Variants in L3MBTL3 observed in about 807,000 individuals in gnomAD.
L3MBTL3 encodes the protein L3MBTL histone methyl-lysine binding protein 3, also known as lethal(3)malignant brain tumor-like protein 3.
A neutral mutation model predicts 102.3 loss-of-function variants in L3MBTL3; 27 were observed. That is an observed-to-expected ratio of 0.26 (90% CI 0.19 to 0.36). L3MBTL3 has a LOEUF of 0.36. Ranked by LOEUF, L3MBTL3 falls within the 10% of genes least tolerant of loss-of-function variation. The probability of loss-of-function intolerance (pLI) is 1.00; values close to 1 mark genes in which losing one functional copy is unlikely to be tolerated. For synonymous variants in L3MBTL3, 340 were observed against 320.9 expected (o/e 1.06, Z -0.64); for missense variants, 798 against 955.3 (o/e 0.84, Z 2.17).
intron 9 of L3MBTL3, among the ~76,000 whole-genome samples, chr6:130,059,087 G>A (rs1781721894): frequency 6.6e-6 from 1 of 151,960 alleles, no homozygotes; most frequent in Non-Finnish European, 1.5e-5. Flanking sequence ...TAAAAAAAAA[G>A]TTTAAATGTA....
At chr6:130,032,388 G>A (rs1779786094) in intron 2 of L3MBTL3, among the ~76,000 whole-genome samples, 1 of 152,198 alleles carries the variant, frequency 6.6e-6, no homozygotes, top group East Asian at 1.9e-4. Flanking sequence ...GGTTGAGGCT[G>A]TAGTGAGCTA....
intron 18 of L3MBTL3, among the ~76,000 whole-genome samples, chr6:130,100,104 G>A (rs1178079826): frequency 6.6e-6 from 1 of 152,208 alleles, no homozygotes; most frequent in African/African-American, 2.4e-5. Context: ...ACTGATTGAA[G>A]ACACTAAACA....
chr6:130,085,016 GAA>G (rs1401056814), intron 15 of L3MBTL3, among the ~76,000 whole-genome samples: 2 of 152,192 alleles, frequency 1.3e-5, no homozygotes, highest in African/African-American at 4.8e-5. Flanking sequence ...TTTTTGTAGA[GAA>G]GAGGTTTTGC....
chr6:130,037,562 C>G (rs933388607), intron 2 of L3MBTL3, among the ~76,000 whole-genome samples: 3 of 152,046 alleles, frequency 2.0e-5, no homozygotes, highest in African/African-American at 7.2e-5. Context: ...TAGATTAATT[C>G]TTTCTCAGCT....
chr6:130,116,161 T>G, intron 19 of L3MBTL3, among the ~76,000 whole-genome samples: 1 of 152,190 alleles, frequency 6.6e-6, no homozygotes, highest in African/African-American at 2.4e-5. Context: ...GTAGATAATT[T>G]TATCCTACAA....
At chr6:130,056,255 C>T (rs1781502321) in intron 8 of L3MBTL3, among the ~76,000 whole-genome samples, 1 of 152,052 alleles carries the variant, frequency 6.6e-6, no homozygotes, top group Non-Finnish European at 1.5e-5. Flanking sequence ...CATTGTTCCT[C>T]AGGCAGCATT....
chr6:130,110,722 A>G (rs1785295749), intron 19 of L3MBTL3, among the ~76,000 whole-genome samples: 2 of 152,194 alleles, frequency 1.3e-5, no homozygotes, highest in Admixed American at 6.5e-5. Context: ...AGAACTTCCA[A>G]TACTATGTTG....
chr6:130,096,450 A>G (rs530514552), intron 18 of L3MBTL3, among the ~76,000 whole-genome samples: 65 of 152,370 alleles, frequency 4.3e-4, no homozygotes, highest in Non-Finnish European at 8.4e-4. Context: ...TAAAATGAGT[A>G]AATACTAACA....
At chr6:130,138,879 A>G (rs1040452002) in intron 22 of L3MBTL3, among the ~76,000 whole-genome samples, 1 of 152,164 alleles carries the variant, frequency 6.6e-6, no homozygotes, top group Non-Finnish European at 1.5e-5. Context: ...TTTAACCTAA[A>G]AGATGTGTTG....
chr6:130,121,378 C>T (rs1402194902), intron 20 of L3MBTL3, among the ~76,000 whole-genome samples: 1 of 152,180 alleles, frequency 6.6e-6, no homozygotes, highest in Non-Finnish European at 1.5e-5. Flanking sequence ...CCTCCAGCTC[C>T]ATCCATGTTC....
intron 14 of L3MBTL3, among the ~76,000 whole-genome samples, chr6:130,081,398 G>C (rs1055258582): frequency 6.6e-6 from 1 of 151,512 alleles, no homozygotes; most frequent in East Asian, 1.9e-4. Flanking sequence ...TGTATACACA[G>C]AACTATGTTT....
At chr6:130,063,872 C>G (rs939549062) in intron 10 of L3MBTL3, among the ~76,000 whole-genome samples, 3 of 152,144 alleles carry the variant, frequency 2.0e-5, no homozygotes, top group Non-Finnish European at 4.4e-5. Context: ...CACTTATTCC[C>G]AGTACGAGAA....
chr6:130,060,114 G>A lies in L3MBTL3; in HGVS notation c.838G>A (p.Val280Met). 2 of 1,610,616 alleles carry A rather than the reference G, an allele frequency of 1.2e-6. No homozygotes were observed. Among genetic ancestry groups the A allele is most frequent in the South Asian group, 1.1e-5 (1 of 90,710 alleles). ...LEGVDPEHQS[V>M]YCVLTVAEVC... is the part of the protein sequence containing the mutation. ...AGGCGTGGATCCTGAGCATCAGTCT[G>A]TGTACTGTGTCCTCACCGTCGCGGA... The change falls in exon 10 of 23, where the codon GTG (valine) becomes ATG (methionine). Residue 280 changes from valine to methionine, a missense_variant. Transcript: ENST00000361794.
intron 19 of L3MBTL3, among the ~76,000 whole-genome samples, chr6:130,115,097 G>GA (rs1785578732): frequency 6.6e-6 from 1 of 151,680 alleles, no homozygotes; most frequent in Admixed American, 6.6e-5. Context: ...GGCCAAAACA[G>GA]AAAAACTACA....
chr6:130,110,208 A>G (rs1054067218), intron 19 of L3MBTL3, among the ~76,000 whole-genome samples: 1 of 152,166 alleles, frequency 6.6e-6, no homozygotes, highest in Non-Finnish European at 1.5e-5. Context: ...TATGAAGTTT[A>G]AAGTAGTTTA....
intron 2 of L3MBTL3, among the ~76,000 whole-genome samples, chr6:130,027,782 T>C (rs1188925406): frequency 6.6e-6 from 1 of 152,208 alleles, no homozygotes; most frequent in Admixed American, 6.5e-5. Context: ...CTTTTAGTTT[T>C]TCTTTTAAAA....
At chr6:130,079,118 T>C (rs1283852662) in intron 14 of L3MBTL3, among the ~76,000 whole-genome samples, 1 of 152,208 alleles carries the variant, frequency 6.6e-6, no homozygotes, top group Non-Finnish European at 1.5e-5. Context: ...CATTTGTGTG[T>C]GGATTGGAGA....
At chr6:130,072,113 A>AAG (rs1782674890) in intron 13 of L3MBTL3, among the ~76,000 whole-genome samples, 1 of 152,162 alleles carries the variant, frequency 6.6e-6, no homozygotes, top group Non-Finnish European at 1.5e-5. Flanking sequence ...CCATGGATTC[A>AAG]ACCAACTGCA....
chr6:130,024,999 C>G (rs932027089), intron 2 of L3MBTL3, among the ~76,000 whole-genome samples: 4 of 152,098 alleles, frequency 2.6e-5, no homozygotes, highest in African/African-American at 9.7e-5. Context: ...GCTTCGCCTT[C>G]AGAAATGAGT....
Sources: gnomAD v4.1 joint callset for allele counts (sites outside exome capture counted in the v4.1 genomes callset) on GRCh38, gnomAD v4.1.1 for gene constraint, MANE v1.5 for transcripts, NCBI Gene and HGNC (gene_info 2026-07-23, HGNC 2026-07-21) for gene names.